Variants in RBKS observed in about 807,000 individuals in gnomAD.
The protein encoded by RBKS is ribokinase.
Under a neutral mutation model 33.9 loss-of-function variants are expected in RBKS, and 33 were observed. That is an observed-to-expected ratio of 0.97 (90% CI 0.74 to 1.30). RBKS has a LOEUF of 1.30. Among genes scored for constraint, RBKS ranks in the 50% most tolerant of loss-of-function variants. The pLI is 0.00. For synonymous variants in RBKS, 125 were observed against 143.0 expected, an observed-to-expected ratio of 0.87 and a Z score of 0.90; for missense variants, 361 against 392.6, an observed-to-expected ratio of 0.92 and a Z score of 0.68.
intron 2 of RBKS, among the ~76,000 whole-genome samples, chr2:27,850,011 C>G (rs1229105258): frequency 6.6e-6 from 1 of 152,188 alleles, no homozygotes; most frequent in African/African-American, 2.4e-5. Context: ...CCATACCCCT[C>G]TAATGCTAAC....
intron 7 of RBKS, chr2:27,809,953 G>A (rs1187715347): frequency 8.4e-6 from 11 of 1,304,050 alleles, no homozygotes; most frequent in East Asian, 5.5e-5. Context: ...TCAGTAGGCA[G>A]TTGCTGTTAT....
Position 27,843,145 on chromosome 2 carries a change from C to A in RBKS, c.436G>T (p.Ala146Ser). The change falls in exon 5 of 8, where the codon GCC becomes TCC. Residue 146 changes from alanine to serine, a missense_variant. Transcript: ENST00000302188. ...LRAAANVISR[A>S]KVMVCQLEIT... is the part of the protein sequence containing the mutation. ...TCGAGCTGGCAGACCATGACTTTGG[C>A]TCTGCTAATGACATTGGCTGCTGCC... 1 of 1,611,916 alleles carries A rather than the reference C, an allele frequency of 6.2e-7. No individual in the cohort carries two copies. The highest frequency in any genetic ancestry group is 8.5e-7 in the Non-Finnish European group (1 of 1,178,950).
chr2:27,854,676 G>A (rs1663818694), intron 2 of RBKS, among the ~76,000 whole-genome samples: 1 of 151,658 alleles, frequency 6.6e-6, no homozygotes, highest in Non-Finnish European at 1.5e-5. Context: ...GTTGCTAACA[G>A]CCCATACACT....
rs1248195681 is a variant in RBKS at position 27,840,988 on chromosome 2, G to A, written c.514+2079C>T. 3.3e-5 allele frequency among the ~76,000 whole-genome samples: 5 copies of A among 152,238 alleles called. No homozygotes were observed. The East Asian group carries it at 9.7e-4, about 29-fold the overall frequency. ...ACTATTTCTGCTATTATTATATAAG[G>A]AAGTTCATGCAGAATTAATACCAAG... is the stretch of plus-strand genomic sequence containing the variant. On this transcript the variant is annotated intron_variant, in intron 5 of 7. Coordinates refer to ENST00000302188, the MANE Select transcript of RBKS (RefSeq NM_022128.3).
intron 7 of RBKS, among the ~76,000 whole-genome samples, chr2:27,793,424 A>G (rs1464266884): frequency 6.6e-6 from 1 of 152,236 alleles, no homozygotes; most frequent in Non-Finnish European, 1.5e-5. Flanking sequence ...AGTGACCAAC[A>G]GTAGCATCAC....
intron 2 of RBKS, among the ~76,000 whole-genome samples, chr2:27,854,961 C>T (rs1663826194): frequency 6.6e-6 from 1 of 152,166 alleles, no homozygotes. Flanking sequence ...TCTGCTGTAC[C>T]ACATCGTGCC....
At chr2:27,883,285 C>T (rs1369578253) in intron 1 of RBKS, among the ~76,000 whole-genome samples, 4 of 151,784 alleles carry the variant, frequency 2.6e-5, no homozygotes, top group African/African-American at 2.4e-5. Flanking sequence ...CTGCAAGCTC[C>T]GCCTCCCTGG....
Position 27,810,488 on chromosome 2 carries a change from G to C in RBKS, c.795+17079C>G, listed in dbSNP as rs1677969420. 6.6e-6 allele frequency among the ~76,000 whole-genome samples: 1 copy of C among 151,784 alleles called. No individual in the cohort carries two copies. Among genetic ancestry groups the C allele is most frequent in the South Asian group, 2.1e-4 (1 of 4,804 alleles). On this transcript the variant is annotated intron_variant, in intron 7 of 7. Coordinates refer to ENST00000302188, the MANE Select transcript of RBKS (RefSeq NM_022128.3). This position sits in a 1 kb window ranked among gnomAD's most constrained non-coding sequence, Gnocchi z 4.4. ...ACCTGAGATTTTAATTTTATTTTTTGTAAGTTATACAGGCATCTTTCTGTG... is the reference window on the plus strand; with the variant it reads ...ACCTGAGATTTTAATTTTATTTTTTCTAAGTTATACAGGCATCTTTCTGTG...
At chr2:27,880,104 C>T (rs1330514376) in intron 1 of RBKS, among the ~76,000 whole-genome samples, 2 of 152,178 alleles carry the variant, frequency 1.3e-5, no homozygotes, top group Non-Finnish European at 2.9e-5. Context: ...CCCTGGGATG[C>T]AAGGTTGGTT....
intron 5 of RBKS, among the ~76,000 whole-genome samples, chr2:27,833,782 A>T (rs1451276930): frequency 6.6e-6 from 1 of 152,206 alleles, no homozygotes; most frequent in Non-Finnish European, 1.5e-5. Context: ...AGTCTTTAGA[A>T]ATTACATTCA....
chr2:27,855,996 T>TA (rs1393744435), intron 2 of RBKS, among the ~76,000 whole-genome samples: 1 of 152,324 alleles, frequency 6.6e-6, no homozygotes, highest in African/African-American at 2.4e-5. Flanking sequence ...TTGTCATCTT[T>TA]AAAAAACTGC....
intron 5 of RBKS, among the ~76,000 whole-genome samples, chr2:27,839,036 C>G (rs1185326713): frequency 2.0e-5 from 3 of 152,064 alleles, no homozygotes; most frequent in African/African-American, 7.3e-5. Context: ...TCAGAGAAAC[C>G]GGGGAAGAAA....
chr2:27,789,809 C>T (rs916325918), intron 7 of RBKS, among the ~76,000 whole-genome samples: 11 of 151,040 alleles, frequency 7.3e-5, no homozygotes, highest in South Asian at 4.2e-4. Context: ...GTGATCCACC[C>T]GCCACGCCCT....
chr2:27,871,092 A>G (rs1229701863), intron 1 of RBKS, among the ~76,000 whole-genome samples: 1 of 152,174 alleles, frequency 6.6e-6, no homozygotes, highest in Non-Finnish European at 1.5e-5. Context: ...AAGATCTCCT[A>G]AAAGTTCAAG....
At chr2:27,807,365 C>T (rs1438821002) in intron 7 of RBKS, among the ~76,000 whole-genome samples, 1 of 152,196 alleles carries the variant, frequency 6.6e-6, no homozygotes, top group African/African-American at 2.4e-5. Context: ...ACTGATTACA[C>T]TGGCATGGCA....
At chr2:27,829,726 T>C (rs1252121518) in intron 6 of RBKS, among the ~76,000 whole-genome samples, 1 of 152,112 alleles carries the variant, frequency 6.6e-6, no homozygotes, top group Non-Finnish European at 1.5e-5. Flanking sequence ...CAAAACCAGG[T>C]ATTATATTGG....
chr2:27,837,852 C>T lies in RBKS; in HGVS notation c.515-5075G>A, dbSNP rs1238252566. Among the ~76,000 whole-genome samples the T allele has an allele frequency of 6.6e-6, 1 of 152,138 alleles. No individual in the cohort carries two copies. Among genetic ancestry groups the T allele is most frequent in the Non-Finnish European group, 1.5e-5 (1 of 68,016 alleles). On this transcript the variant is annotated intron_variant, in intron 5 of 7. Transcript: ENST00000302188. This position sits in a 1 kb window ranked among gnomAD's most constrained non-coding sequence, Gnocchi z 4.0. ...GCAGGGAGGGGCACAGGTTGAAAAG[C>T]TACCTATTGAGTACCGTGCTCCCTA...
chr2:27,876,667 G>A (rs561452900), intron 1 of RBKS, among the ~76,000 whole-genome samples: 17 of 152,170 alleles, frequency 1.1e-4, no homozygotes, highest in African/African-American at 4.1e-4. Flanking sequence ...AGGGGAGGAG[G>A]GGATAGGGAG....
At chr2:27,834,543 A>T (rs542597163) in intron 5 of RBKS, among the ~76,000 whole-genome samples, 240 of 152,270 alleles carry the variant, frequency 1.6e-3, no homozygotes, top group Non-Finnish European at 2.8e-3. Context: ...TGGAGTTTGT[A>T]GCCTGGCAAC....
Sources: gnomAD v4.1 joint callset for allele counts (sites outside exome capture counted in the v4.1 genomes callset) on GRCh38, gnomAD v4.1.1 for gene constraint, Gnocchi (gnomAD v3.1) non-coding constraint, MANE v1.5 for transcripts, NCBI Gene and HGNC (gene_info 2026-07-23, HGNC 2026-07-21) for gene names.